VAV2: variants seen among roughly 807,000 people sequenced by gnomAD.
VAV2 encodes the protein vav guanine nucleotide exchange factor 2.
In VAV2, 67 loss-of-function variants were observed where a neutral mutation model predicts 132.5. The ratio of observed to expected loss-of-function variants is 0.51; its 90% CI spans 0.42 to 0.62. The LOEUF (loss-of-function observed/expected upper bound fraction) is 0.62, where lower values mean the gene tolerates loss of function less well. Ranked by LOEUF, VAV2 falls within the 20% of genes least tolerant of loss-of-function variation. The pLI is 0.00. For synonymous variants in VAV2, 492 were observed against 443.5 expected, an observed-to-expected ratio of 1.11 and a Z score of -1.37; for missense variants, 938 against 1,153.6, an observed-to-expected ratio of 0.81 and a Z score of 2.71.
At chr9:133,917,878 C>T (rs1211832628) in intron 2 of VAV2, among the ~76,000 whole-genome samples, 4 of 152,086 alleles carry the variant, frequency 2.6e-5, no homozygotes, top group East Asian at 1.9e-4. Context: ...AGAGAACTGA[C>T]GCAGCCTCCT....
At chr9:133,799,922 G>A (rs543038732) in intron 9 of VAV2, among the ~76,000 whole-genome samples, 15 of 152,216 alleles carry the variant, frequency 9.9e-5, no homozygotes, top group African/African-American at 2.2e-4. Context: ...CACCTGCCCC[G>A]CTCCGGATCG....
At chr9:133,784,277 G>A (rs750810621) in intron 18 of VAV2, 40 bp downstream of exon 18, 25 of 1,592,406 alleles carry the variant, frequency 1.6e-5, no homozygotes, top group Admixed American at 3.3e-5. Flanking sequence ...TGGGCTGGGC[G>A]TGGAGCGAGG....
At chr9:133,893,892 A>T (rs1019257439) in intron 2 of VAV2, among the ~76,000 whole-genome samples, 12 of 152,176 alleles carry the variant, frequency 7.9e-5, no homozygotes, top group Admixed American at 2.6e-4. Flanking sequence ...CACACAGTTG[A>T]ATGCTTTACT....
At chr9:133,952,434 T>C (rs1441953099) in intron 1 of VAV2, among the ~76,000 whole-genome samples, 1 of 152,000 alleles carries the variant, frequency 6.6e-6, no homozygotes, top group Non-Finnish European at 1.5e-5. Context: ...AAACCCCATC[T>C]CTACTAAAGA....
At chr9:133,908,217 C>T (rs1000693492) in intron 2 of VAV2, among the ~76,000 whole-genome samples, 7 of 151,868 alleles carry the variant, frequency 4.6e-5, no homozygotes, top group East Asian at 1.9e-4. Context: ...ATAGTCCTTG[C>T]GGCCACTTAA....
chr9:133,815,779 TGC>T (rs902970355), intron 4 of VAV2, among the ~76,000 whole-genome samples: 8 of 152,214 alleles, frequency 5.3e-5, no homozygotes, highest in African/African-American at 1.7e-4. Flanking sequence ...GTTGTGTGTG[TGC>T]GTGTGTATGC....
At chr9:133,775,212 C>T (rs1435004836) in intron 24 of VAV2, among the ~76,000 whole-genome samples, 161 bp from the exon 25 acceptor site, 2 of 152,110 alleles carry the variant, frequency 1.3e-5, no homozygotes, top group African/African-American at 2.4e-5. Context: ...TCCCTATGAG[C>T]GGGGCACCAC....
chr9:133,985,397 T>C (rs1040307527), intron 1 of VAV2, among the ~76,000 whole-genome samples: 2 of 152,172 alleles, frequency 1.3e-5, no homozygotes, highest in African/African-American at 2.4e-5. Flanking sequence ...TTCTCCTACC[T>C]CAGCCTCCCG....
rs749380313 is a variant in VAV2, at chr9:133,789,248, C to T, written c.1274+10G>A. ...GACGCCACCCAGCCCACAACACGCG[C>T]CCTGCTCACCTGTCCTGCTTGGTGT... On this transcript the variant is annotated intron_variant, in intron 14 of 29. Coordinates refer to ENST00000371850, the MANE Select transcript of VAV2 (RefSeq NM_001134398.2). 1.2e-5 allele frequency: 20 copies of T among 1,613,682 alleles called. No individual in the cohort carries two copies. The African/African-American group carries it at 1.5e-4, about 12-fold the overall frequency.
chr9:133,838,839 G>GAGGATGGATGAA (rs1836589918), intron 3 of VAV2, among the ~76,000 whole-genome samples: 1 of 114,552 alleles, frequency 8.7e-6, no homozygotes, highest in African/African-American at 4.4e-5. Flanking sequence ...GAGTGGGTTG[G>GAGGATGGATGAA]TGGATGGATG....
At chr9:133,974,204 C>T (rs921091703) in intron 1 of VAV2, among the ~76,000 whole-genome samples, 4 of 152,140 alleles carry the variant, frequency 2.6e-5, no homozygotes, top group African/African-American at 7.2e-5. Flanking sequence ...CCTCCTGGGC[C>T]GCAAGCAGGG....
intron 2 of VAV2, among the ~76,000 whole-genome samples, chr9:133,888,904 C>T (rs377716714): frequency 2.0e-5 from 3 of 152,218 alleles, no homozygotes; most frequent in African/African-American, 7.2e-5. Context: ...AATTACAGGA[C>T]GCTGGGCCCT....
intron 2 of VAV2, among the ~76,000 whole-genome samples, chr9:133,887,588 C>T (rs1362953234): frequency 1.3e-5 from 2 of 151,872 alleles, no homozygotes; most frequent in African/African-American, 2.4e-5. Context: ...CACCGTCACA[C>T]ACACATTCCC....
rs999261601 is a variant in VAV2 at position 133,834,865 on chromosome 9, T to C, written c.381-525A>G. Among the ~76,000 whole-genome samples the C allele has an allele frequency of 2.0e-5, 3 of 152,064 alleles. No homozygotes were observed. The highest frequency in any genetic ancestry group is 7.2e-5 in the African/African-American group (3 of 41,408). ...CCACGCCACCCACCAGCCACTGGCT[T>C]GAGGTCAGGAAGAGAGTCCCGAAAA... On this transcript the variant is annotated intron_variant, in intron 3 of 29. Coordinates refer to ENST00000371850, the MANE Select transcript of VAV2 (RefSeq NM_001134398.2). The surrounding 1 kb of genome is among the most constrained non-coding windows in gnomAD (Gnocchi z 5.9).
At chr9:133,974,926 T>C (rs984763594) in intron 1 of VAV2, among the ~76,000 whole-genome samples, 17 of 150,890 alleles carry the variant, frequency 1.1e-4, no homozygotes, top group Middle Eastern at 3.4e-3. Flanking sequence ...GTCTGTACCT[T>C]GTGGTACCGT....
rs1035755488 is a variant in VAV2 at position 133,912,098 on chromosome 9, T to C, written c.321+27005A>G. 1.3e-5 allele frequency among the ~76,000 whole-genome samples: 2 copies of C among 152,074 alleles called. No homozygotes were observed. The highest frequency in any genetic ancestry group is 4.8e-5 in the African/African-American group (2 of 41,386). ...TGATCTCCTCCCTGCCCTCCAAAGA[T>C]GGCTGATTTTCAAAGATGGGGTGTC... On this transcript the variant is annotated intron_variant, in intron 2 of 29. Transcript: ENST00000371850. The surrounding 1 kb of genome is among the most constrained non-coding windows in gnomAD (Gnocchi z 4.3).
At chr9:133,957,822 G>A (rs980581541) in intron 1 of VAV2, among the ~76,000 whole-genome samples, 9 of 142,276 alleles carry the variant, frequency 6.3e-5, no homozygotes, top group Non-Finnish European at 1.4e-4. Flanking sequence ...CTGTATCTGT[G>A]TAGAAAGAAG....
rs1282991097 is a variant in VAV2 at position 133,795,516 on chromosome 9, C to A, written c.1101+152G>T. ...TCACCTCTACCTCCTGTGGGTCTCA[C>A]CCACTGCCCTGCCCTGCCCTGCCCC... On this transcript the variant is annotated intron_variant, in intron 12 of 29. Transcript: ENST00000371850. 3 of 933,204 alleles carry A rather than the reference C, an allele frequency of 3.2e-6. No individual in the cohort carries two copies. The East Asian group carries it at 7.5e-5, about 23-fold the overall frequency. 57.8% of individuals were successfully genotyped at this position (933,204 alleles called of 1,614,324 possible).
At chr9:133,841,070 G>A (rs1014826272) in intron 3 of VAV2, among the ~76,000 whole-genome samples, 1 of 152,138 alleles carries the variant, frequency 6.6e-6, no homozygotes, top group Non-Finnish European at 1.5e-5. Context: ...GTAGCAAAGA[G>A]AGGACCCTAA....
Sources: allele counts gnomAD v4.1 joint callset (sites outside exome capture counted in the v4.1 genomes callset), GRCh38; gene constraint gnomAD v4.1.1; non-coding constraint Gnocchi (gnomAD v3.1); transcripts MANE v1.5; gene names NCBI Gene and HGNC (gene_info 2026-07-23, HGNC 2026-07-21).